Variants in PLXNB2 observed in about 807,000 individuals in gnomAD.
PLXNB2 encodes plexin B2.
In PLXNB2, 85 loss-of-function variants were observed where a neutral mutation model predicts 202.6. That is an observed-to-expected ratio of 0.42 (90% CI 0.35 to 0.50). The LOEUF is 0.50. Among genes scored for constraint, PLXNB2 ranks in the 20% least tolerant of loss-of-function variants. PLXNB2 has a pLI of 0.02. For synonymous variants in PLXNB2, 1,239 were observed against 1,137.6 expected (o/e 1.09, Z -1.79); for missense variants, 2,063 against 2,586.2 (o/e 0.80, Z 4.39).
intron 2 of PLXNB2, among the ~76,000 whole-genome samples, chr22:50,292,932 G>A (rs904470034): frequency 6.6e-6 from 1 of 151,206 alleles, no homozygotes; most frequent in African/African-American, 2.5e-5. Flanking sequence ...CCCTGCACTG[G>A]GGGTTCAGTG....
In PLXNB2 at chr22:50,282,737, G is replaced by A. The variant is rs2066103768; in HGVS notation, c.2961C>T (p.Ala987=). The A allele has an allele frequency of 1.9e-6, 3 of 1,606,552 alleles. No homozygotes were observed. Among genetic ancestry groups the A allele is most frequent in the African/African-American group, 1.3e-5 (1 of 74,830 alleles). Residue 987 remains alanine, a synonymous_variant, in exon 18 of 37, where the codon GCC becomes GCT. Transcript: ENST00000359337. ...TGGCAAAGCTTCGTAGCGGCTCGAA[G>A]GCTCGCAGTACGGGGTTTTCGCGGT... ...FTYRENPVLR[A]FEPLRSFASG...
chr22:50,287,365 G>A, intron 7 of PLXNB2, 101 bp from the exon 8 acceptor site: 1 of 1,316,684 alleles, frequency 7.6e-7, no homozygotes, highest in Non-Finnish European at 1.0e-6. Flanking sequence ...ACGTCCCAGT[G>A]GAGCCTCCAG....
At position 50,278,135 on chromosome 22, in the gene PLXNB2, C is replaced by A. The variant is rs570065916; in HGVS notation, c.4869G>T (p.Thr1623=). 3.7e-6 allele frequency: 6 copies of A among 1,602,828 alleles called. No homozygotes were observed. In the South Asian group the frequency reaches 5.5e-5, roughly 15 times the overall value. ...RTKAITEIYL[T]RLLSVKGTLQ... is the part of the protein sequence containing the mutation. Reference sequence around the variant, plus strand: ...GGCCCACCTTGACTGAGAGCAGCCGCGTCAGGTAGATCTCGGTGATGGCCT... The same window carrying A: ...GGCCCACCTTGACTGAGAGCAGCCGAGTCAGGTAGATCTCGGTGATGGCCT... The change falls in exon 31 of 37, where the codon ACG becomes ACT. Residue 1623 remains threonine, a synonymous_variant. Transcript: ENST00000359337.
At position 50,281,586 on chromosome 22, in the gene PLXNB2, G is replaced by A. The variant is rs1229284132; in HGVS notation, c.3502C>T (p.His1168Tyr). 6.2e-7 allele frequency: 1 copy of A among 1,611,194 alleles called. No homozygotes were observed. The highest frequency in any genetic ancestry group is 2.2e-5 in the East Asian group (1 of 44,812). ...PKRRQKRDTT[H>Y]NLPEFIVKFG... ...CGCACAATGAACTCGGGCAGGTTGT[G>A]TGTGGTGTCTCGTTTCTGCCGCCGC... The change falls in exon 21 of 37, where the codon CAC becomes TAC. Residue 1168 changes from histidine (H) to tyrosine (Y), a missense_variant. This residue lies in a region of PLXNB2 where 760 missense variants were observed against 1,109.4 expected (regional missense o/e 0.69). Transcript: ENST00000359337.
intron 1 of PLXNB2, among the ~76,000 whole-genome samples, chr22:50,298,448 T>G (rs2067435025): frequency 6.6e-6 from 1 of 150,848 alleles, no homozygotes; most frequent in Non-Finnish European, 1.5e-5. Context: ...TGGGTAAAGG[T>G]AAACAAGAGG....
At chr22:50,299,273 T>C (rs1460479276) in intron 1 of PLXNB2, among the ~76,000 whole-genome samples, 1 of 66,630 alleles carries the variant, frequency 1.5e-5, no homozygotes, top group Non-Finnish European at 2.8e-5. Flanking sequence ...CTCAAAGGAT[T>C]GGGGTGGACA....
rs201664331 is a variant in PLXNB2 at position 50,290,049 on chromosome 22, T to C, written c.536A>G (p.Asn179Ser). Reference sequence around the variant, plus strand: ...CAGCCGAGTGCTCACGATGATGCCGTTGTCGTGTGGCCCATTGCCTTTGCC... The same window carrying C: ...CAGCCGAGTGCTCACGATGATGCCGCTGTCGTGTGGCCCATTGCCTTTGCC... Reference protein sequence around the residue: ...FVGKGNGPHDNGIIVSTRLLD... With the variant: ...FVGKGNGPHDSGIIVSTRLLD... The change falls in exon 3 of 37, where the codon AAC (asparagine) becomes AGC (serine). Residue 179 changes from asparagine (N) to serine (S), a missense_variant. Asn to Ser is a conservative substitution (Grantham distance 46). Transcript: ENST00000359337. 9.9e-6 allele frequency: 16 copies of C among 1,613,444 alleles called. No homozygotes were observed. The Admixed American group carries it at 1.2e-4, about 12-fold the overall frequency.
chr22:50,276,730 T>G (rs549814700), intron 34 of PLXNB2, 26 bp from the exon 35 acceptor site: 2 of 1,609,386 alleles, frequency 1.2e-6, no homozygotes. Context: ...CATCATACAG[T>G]GTGGGCGGCA....
Position 50,286,068 on chromosome 22 carries a change from G to C in PLXNB2, c.1908C>G (p.Thr636=), listed in dbSNP as rs1266193087. 2 of 1,612,146 alleles carry C rather than the reference G, an allele frequency of 1.2e-6. No individual in the cohort carries two copies. The highest frequency in any genetic ancestry group is 1.7e-6 in the Non-Finnish European group (2 of 1,179,960). ...CGTGGTAGCGCAGGTCCCACTGGCA[G>C]GTCCAGCGGTTGCTCACGCAGGAGA... is the stretch of plus-strand genomic sequence containing the variant. ...PCISCVSNRW[T]CQWDLRYHEC... is the part of the protein sequence containing the mutation. Residue 636 remains threonine (T), a synonymous_variant, in exon 10 of 37, where the codon ACC becomes ACG. Coordinates refer to ENST00000359337, the MANE Select transcript of PLXNB2 (RefSeq NM_012401.4).
intron 25 of PLXNB2, 96 bp downstream of exon 25, chr22:50,280,392 TG>T: frequency 6.6e-6 from 8 of 1,210,446 alleles, no homozygotes; most frequent in Non-Finnish European, 7.8e-6. Flanking sequence ...TGCCGGCTCC[TG>T]GGGGCCCAAC....
At chr22:50,305,505 C>T (rs953392370) in intron 1 of PLXNB2, among the ~76,000 whole-genome samples, 2 of 152,232 alleles carry the variant, frequency 1.3e-5, no homozygotes, top group Admixed American at 1.3e-4. Flanking sequence ...AGTCTCCCCA[C>T]CTGCAGGATG....
intron 1 of PLXNB2, chr22:50,301,334 G>A: frequency 5.3e-6 from 5 of 939,314 alleles, no homozygotes; most frequent in Non-Finnish European, 6.3e-6. Flanking sequence ...GCTGGGCAGC[G>A]CAATGAACCT....
In PLXNB2 at chr22:50,275,184, CGT is replaced by C. The variant is rs896865672; in HGVS notation, c.*518_*519del. 32 of 321,036 alleles carry C rather than the reference CGT, an allele frequency of 1.0e-4. No homozygotes were observed. Among genetic ancestry groups the C allele is most frequent in the Admixed American group, 4.8e-4 (11 of 23,024 alleles). The allele number at this position is 321,036 out of a possible 1,614,324, so 19.9% of individuals were successfully genotyped here. A position where few individuals can be genotyped will look rare whatever the true frequency, so the allele number is the denominator to read the frequency against. Reference sequence around the variant, plus strand: ...GACCTTTGACGTGGGGCCCAGCAGCCGTGAGTCCACCCAGAGTGCCGGCACCC... The same window carrying C: ...GACCTTTGACGTGGGGCCCAGCAGCCGAGTCCACCCAGAGTGCCGGCACCC... On this transcript the variant is annotated 3_prime_UTR_variant, in exon 37 of 37. Transcript: ENST00000359337.
chr22:50,304,335 T>C (rs1053976952), intron 1 of PLXNB2, among the ~76,000 whole-genome samples: 6 of 152,096 alleles, frequency 3.9e-5, no homozygotes, highest in African/African-American at 1.4e-4. Flanking sequence ...GGGGTGCCAG[T>C]GTTCAGGGCC....
At chr22:50,285,034 C>T in intron 11 of PLXNB2, 3 of 412,324 alleles carry the variant, frequency 7.3e-6, no homozygotes, top group Non-Finnish European at 9.6e-6. Context: ...CAGGCCCATC[C>T]AAAGGCCCCC....
In PLXNB2 at chr22:50,284,370, C is replaced by CGCT. The variant is rs2066261974; in HGVS notation, c.2182-160_2182-158dup. ...GTCGGAAGTTCGGGAACCCCATGGA[C>CGCT]GCTGCTCTGTGCCACTCTGTCCCCA... On this transcript the variant is annotated intron_variant, in intron 12 of 36. Coordinates refer to ENST00000359337, the MANE Select transcript of PLXNB2 (RefSeq NM_012401.4). The surrounding 1 kb of genome is among the most constrained non-coding windows in gnomAD (Gnocchi z 8.0). 3 of 766,114 alleles carry CGCT rather than the reference C, an allele frequency of 3.9e-6. No homozygotes were observed. Among genetic ancestry groups the CGCT allele is most frequent in the Non-Finnish European group, 6.6e-6 (3 of 455,138 alleles). The allele number at this position is 766,114 out of a possible 1,614,324, so 47.5% of individuals were successfully genotyped here.
Position 50,290,352 on chromosome 22 carries a change from C to T in PLXNB2, c.233G>A (p.Cys78Tyr). 6.2e-7 allele frequency: 1 copy of T among 1,612,684 alleles called. No individual in the cohort carries two copies. The highest frequency in any genetic ancestry group is 8.5e-7 in the Non-Finnish European group (1 of 1,179,976). ...ATGPALDNKK[C>Y]TPPIEASQCH... Reference sequence around the variant, plus strand: ...CTGGCTGGCCTCGATGGGCGGCGTGCACTTCTTGTTGTCCAGGGCCGGGCC... The same window carrying T: ...CTGGCTGGCCTCGATGGGCGGCGTGTACTTCTTGTTGTCCAGGGCCGGGCC... The change falls in exon 3 of 37, where the codon TGC (cysteine) becomes TAC (tyrosine). Residue 78 changes from cysteine (C) to tyrosine (Y), a missense_variant. Physicochemically the swap from Cys to Tyr is radical, Grantham distance 194. Coordinates refer to ENST00000359337, the MANE Select transcript of PLXNB2 (RefSeq NM_012401.4).
chr22:50,302,378 G>A (rs530430823), intron 1 of PLXNB2, among the ~76,000 whole-genome samples: 5 of 152,304 alleles, frequency 3.3e-5, no homozygotes, highest in South Asian at 4.1e-4. Flanking sequence ...GGCTGGAGCT[G>A]TGTGGGGAGG....
At position 50,289,581 on chromosome 22, in the gene PLXNB2, C is replaced by A; in HGVS notation, c.1004G>T (p.Arg335Leu). The A allele has an allele frequency of 6.2e-7, 1 of 1,611,430 alleles. No homozygotes were observed. The highest frequency in any genetic ancestry group is 8.5e-7 in the Non-Finnish European group (1 of 1,179,894). Residue 335 changes from arginine (R) to leucine (L), a missense_variant, in exon 3 of 37, where the codon CGG (arginine) becomes CTG (leucine). By Grantham distance (102) the Arg-to-Leu change is moderately radical. Transcript: ENST00000359337. This position sits in a 1 kb window ranked among gnomAD's most constrained non-coding sequence, Gnocchi z 8.0. ...ANRNACYTGT[R>L]EARDIFYKPF... The stretch of plus-strand genomic sequence containing the variant: ...CTTGTAGAAGATGTCACGGGCCTCC[C>A]GGGTGCCTGTGTAACAGGCGTTGCG...
Sources: gnomAD v4.1 joint callset for allele counts (sites outside exome capture counted in the v4.1 genomes callset) on GRCh38, gnomAD v4.1.1 for gene constraint, gnomAD v4.1.1 regional missense constraint, Gnocchi (gnomAD v3.1) non-coding constraint, MANE v1.5 for transcripts, NCBI Gene and HGNC (gene_info 2026-07-23, HGNC 2026-07-21) for gene names.